Variants in TENM3 observed in about 807,000 individuals in gnomAD.
TENM3 encodes teneurin transmembrane protein 3, also known as teneurin-3.
TENM3 carries 63 observed loss-of-function variants against 255.1 expected under a neutral mutation model. The ratio of observed to expected loss-of-function variants is 0.25; its 90% confidence interval spans 0.20 to 0.30. TENM3 has a LOEUF of 0.30. Ranked by LOEUF, TENM3 falls within the 10% of genes least tolerant of loss-of-function variation. The pLI, the probability that TENM3 is intolerant of heterozygous loss-of-function variation, is 1.00. For missense variants in TENM3, 2,929 were observed against 3,461.1 expected, an observed-to-expected ratio of 0.85 and a Z score of 3.86; for synonymous variants, 1,306 against 1,322.3, an observed-to-expected ratio of 0.99 and a Z score of 0.27.
chr4:181,777,849 T>A, the TENM3 span, among the ~76,000 whole-genome samples: 4 of 152,278 alleles, frequency 2.6e-5, no homozygotes, highest in Non-Finnish European at 4.4e-5. Flanking sequence ...TTCTGTCTGA[T>A]TACACCACAG....
intron 3 of TENM3, among the ~76,000 whole-genome samples, chr4:182,538,332 C>T (rs1740539133): frequency 6.6e-6 from 1 of 152,122 alleles, no homozygotes; most frequent in South Asian, 2.1e-4. Context: ...ATGAAATGAT[C>T]ACACAAATAA....
At chr4:182,707,624 A>G (rs979426108) in intron 12 of TENM3, 3 of 152,234 alleles carry the variant, frequency 2.0e-5, no homozygotes, top group Non-Finnish European at 2.9e-5. Context: ...TATGGACTAA[A>G]TATATAATAT....
At chr4:181,915,991 G>A in the TENM3 span, among the ~76,000 whole-genome samples, 3 of 152,098 alleles carry the variant, frequency 2.0e-5, no homozygotes, top group South Asian at 6.2e-4. Flanking sequence ...TCCTTCTGTG[G>A]CTTCTCATTG....
chr4:181,677,293 T>C, the TENM3 span, among the ~76,000 whole-genome samples: 2 of 152,138 alleles, frequency 1.3e-5, no homozygotes, highest in Non-Finnish European at 2.9e-5. Flanking sequence ...AGTGTCTCCA[T>C]AGGCACTGAA....
the TENM3 span, among the ~76,000 whole-genome samples, chr4:181,490,069 G>T: frequency 1.3e-5 from 2 of 152,104 alleles, no homozygotes; most frequent in Non-Finnish European, 2.9e-5. Context: ...GTACCTATTT[G>T]TAGGGCACAT....
intron 1 of TENM3, among the ~76,000 whole-genome samples, chr4:182,198,725 G>C (rs1753986722): frequency 6.6e-6 from 1 of 152,204 alleles, no homozygotes. Context: ...TCAGCTCCTG[G>C]CTCAGGCCTG....
intron 1 of TENM3, among the ~76,000 whole-genome samples, chr4:182,160,178 A>G (rs1225949232): frequency 1.3e-5 from 2 of 150,346 alleles, no homozygotes; most frequent in Admixed American, 6.6e-5. Flanking sequence ...AATTTTATGT[A>G]TTTTTAGTAG....
intron 5 of TENM3, among the ~76,000 whole-genome samples, chr4:182,644,901 G>A (rs1363896573): frequency 6.6e-6 from 1 of 151,934 alleles, no homozygotes; most frequent in Non-Finnish European, 1.5e-5. Flanking sequence ...TCATATCCAT[G>A]TTAGTCACTC....
chr4:182,398,763 T>G (rs573767884), intron 3 of TENM3, among the ~76,000 whole-genome samples: 1 of 152,320 alleles, frequency 6.6e-6, no homozygotes, highest in African/African-American at 2.4e-5. Flanking sequence ...AGTGTCTCTC[T>G]TTAGGGTAAA....
the TENM3 span, among the ~76,000 whole-genome samples, chr4:181,858,521 G>T: frequency 6.6e-6 from 1 of 152,152 alleles, no homozygotes; most frequent in African/African-American, 2.4e-5. Flanking sequence ...GGCTAAAAAT[G>T]GTAGGAGACA....
At chr4:182,102,711 T>C in the TENM3 span, among the ~76,000 whole-genome samples, 3 of 152,184 alleles carry the variant, frequency 2.0e-5, no homozygotes, top group African/African-American at 4.8e-5. Context: ...TATCAGACCA[T>C]CTAGGTCTGA....
chr4:181,888,155 A>G, the TENM3 span, among the ~76,000 whole-genome samples: 39 of 151,932 alleles, frequency 2.6e-4, no homozygotes, highest in East Asian at 7.4e-3. Context: ...TCAGCCCCAC[A>G]AGTAGCTGGA....
At chr4:181,753,329 G>A in the TENM3 span, among the ~76,000 whole-genome samples, 1 of 152,108 alleles carries the variant, frequency 6.6e-6, no homozygotes, top group Non-Finnish European at 1.5e-5. Context: ...ATGAAAGCAT[G>A]AGCAGAGGCA....
At chr4:181,576,098 G>A in the TENM3 span, among the ~76,000 whole-genome samples, 5 of 151,988 alleles carry the variant, frequency 3.3e-5, no homozygotes, top group African/African-American at 7.3e-5. Flanking sequence ...CTGATCATCC[G>A]CCCCTCCTAC....
At chr4:182,641,482 G>C (rs1374987699) in intron 5 of TENM3, among the ~76,000 whole-genome samples, 1 of 151,706 alleles carries the variant, frequency 6.6e-6, no homozygotes, top group African/African-American at 2.4e-5. Flanking sequence ...TAAGTCAGTA[G>C]CATACATAAA....
chr4:181,558,146 T>C, the TENM3 span, among the ~76,000 whole-genome samples: 3 of 152,314 alleles, frequency 2.0e-5, no homozygotes, highest in Admixed American at 6.5e-5. Context: ...TGAAAGAGTG[T>C]ATGAGAAAAT....
chr4:181,489,969 C>T, the TENM3 span, among the ~76,000 whole-genome samples: 1 of 152,034 alleles, frequency 6.6e-6, no homozygotes, highest in Non-Finnish European at 1.5e-5. Context: ...TATGCTTGCA[C>T]AGAATTAAGA....
chr4:182,679,576 A>C, intron 7 of TENM3, 90 bp from the exon 8 acceptor site: 1 of 1,029,564 alleles, frequency 9.7e-7, no homozygotes, highest in Non-Finnish European at 1.4e-6. Context: ...TATTTGTTAG[A>C]GCAAAGGAAG....
intron 2 of TENM3, among the ~76,000 whole-genome samples, chr4:182,339,823 T>A (rs1029878354): frequency 6.6e-6 from 1 of 152,234 alleles, no homozygotes; most frequent in African/African-American, 2.4e-5. Flanking sequence ...TGCAGGCGTA[T>A]TATCATTGCC....
Sources: gnomAD v4.1 joint callset for allele counts (sites outside exome capture counted in the v4.1 genomes callset) on GRCh38, gnomAD v4.1.1 for gene constraint, MANE v1.5 for transcripts, NCBI Gene and HGNC (gene_info 2026-07-23, HGNC 2026-07-21) for gene names.